Variants in TRMT11 observed in about 807,000 individuals in gnomAD.
The protein encoded by TRMT11 is tRNA (guanine(10)-N(2))-methyltransferase TRMT11.
In TRMT11, 53 loss-of-function variants were observed where a neutral mutation model predicts 62.8. The ratio of observed to expected loss-of-function variants is 0.84; its 90% CI spans 0.68 to 1.06. TRMT11 has a LOEUF of 1.06. TRMT11 is among the 50% of genes least tolerant of loss of function. The pLI is 0.00. For missense variants in TRMT11, 556 were observed against 553.4 expected, an observed-to-expected ratio of 1.00 and a Z score of -0.05; for synonymous variants, 188 against 190.3, an observed-to-expected ratio of 0.99 and a Z score of 0.10.
intron 1 of TRMT11, among the ~76,000 whole-genome samples, chr6:126,183,341 C>T (rs1034972801): frequency 2.6e-5 from 4 of 152,152 alleles, no homozygotes; most frequent in Middle Eastern, 3.4e-3. Flanking sequence ...GTACTGAGAG[C>T]AAAAGTTTCT....
upstream of TRMT11, among the ~76,000 whole-genome samples, chr6:126,172,960 C>T (rs995467136): frequency 1.4e-4 from 21 of 151,982 alleles, no homozygotes; most frequent in Non-Finnish European, 4.4e-5. Context: ...GGAGGTGAAC[C>T]GGGGTGTAAG....
chr6:126,003,828 C>G (rs1792919931), intron 7 of TRMT11, among the ~76,000 whole-genome samples: 1 of 151,980 alleles, frequency 6.6e-6, no homozygotes. Context: ...TTTCCCTTAG[C>G]TTGTCATTTA....
intron 3 of TRMT11, 75 bp downstream of exon 3, chr6:125,996,115 A>G (rs938133258): frequency 5.7e-6 from 6 of 1,060,368 alleles, no homozygotes; most frequent in African/African-American, 3.2e-5. Context: ...TTTTTGCTAT[A>G]TTGGGCAGTG....
the TRMT11 span, among the ~76,000 whole-genome samples, chr6:126,265,905 G>A: frequency 1.3e-5 from 2 of 152,140 alleles, no homozygotes. Flanking sequence ...AGAAACATAT[G>A]TCTATAATTT....
At chr6:126,146,687 C>A (rs1055911293) in intron 21 of TRMT11, among the ~76,000 whole-genome samples, 4 of 151,906 alleles carry the variant, frequency 2.6e-5, no homozygotes, top group African/African-American at 9.7e-5. Context: ...CCGCTAATTT[C>A]TTGTATTTTT....
intron 17 of TRMT11, among the ~76,000 whole-genome samples, chr6:126,055,427 A>G (rs1048904407): frequency 2.6e-5 from 4 of 152,210 alleles, no homozygotes; most frequent in African/African-American, 4.8e-5. Flanking sequence ...AGCAACCACT[A>G]TGAACATCAG....
At chr6:126,029,884 T>C (rs1456275605) in intron 12 of TRMT11, among the ~76,000 whole-genome samples, 1 of 152,158 alleles carries the variant, frequency 6.6e-6, no homozygotes, top group Non-Finnish European at 1.5e-5. Flanking sequence ...ATATCCCCAA[T>C]GTTTTTTTTA....
At chr6:126,051,185 A>G (rs569085582) in intron 16 of TRMT11, among the ~76,000 whole-genome samples, 1 of 152,358 alleles carries the variant, frequency 6.6e-6, no homozygotes, top group Admixed American at 6.5e-5. Context: ...TTAATGAATA[A>G]TTACACAGGG....
chr6:126,148,588 T>C (rs950559260), intron 21 of TRMT11, among the ~76,000 whole-genome samples: 2 of 152,176 alleles, frequency 1.3e-5, no homozygotes, highest in East Asian at 3.9e-4. Context: ...TTAACCTCTC[T>C]AAGCTTATTT....
chr6:126,198,687 G>T (rs1424874920), intron 1 of TRMT11: 1 of 152,240 alleles, frequency 6.6e-6, no homozygotes, highest in African/African-American at 2.4e-5. Context: ...GGCTGCCACA[G>T]AAATCCAGCA....
At chr6:126,235,518 CAGTCA>C in the TRMT11 span, among the ~76,000 whole-genome samples, 1 of 152,206 alleles carries the variant, frequency 6.6e-6, no homozygotes, top group Admixed American at 6.5e-5. Context: ...GAATACTATG[CAGTCA>C]TGCAAAAGAG....
chr6:126,220,695 T>G, the TRMT11 span, among the ~76,000 whole-genome samples: 1 of 152,182 alleles, frequency 6.6e-6, no homozygotes, highest in Non-Finnish European at 1.5e-5. Flanking sequence ...AAAAGATAAT[T>G]TGGTCAAGTC....
chr6:125,993,503 A>G (rs1790970157), intron 1 of TRMT11, among the ~76,000 whole-genome samples: 1 of 152,180 alleles, frequency 6.6e-6, no homozygotes, highest in Admixed American at 6.5e-5. Context: ...CCTTTCCAAA[A>G]TCAGGGAATT....
intron 17 of TRMT11, among the ~76,000 whole-genome samples, chr6:126,074,682 A>C (rs886076897): frequency 6.6e-6 from 1 of 152,196 alleles, no homozygotes; most frequent in African/African-American, 2.4e-5. Flanking sequence ...TCAATCAGAC[A>C]GAATGTGCAT....
chr6:126,144,665 T>A (rs1777955089), intron 21 of TRMT11, among the ~76,000 whole-genome samples: 1 of 152,208 alleles, frequency 6.6e-6, no homozygotes, highest in African/African-American at 2.4e-5. Flanking sequence ...CTACATCCCT[T>A]CACTCTGCTT....
chr6:126,236,464 C>T, the TRMT11 span, among the ~76,000 whole-genome samples: 2 of 152,008 alleles, frequency 1.3e-5, no homozygotes, highest in African/African-American at 4.8e-5. Flanking sequence ...TTAATTTTAC[C>T]TCTTCATGTC....
At chr6:126,222,251 C>T in the TRMT11 span, among the ~76,000 whole-genome samples, 1 of 152,092 alleles carries the variant, frequency 6.6e-6, no homozygotes, top group South Asian at 2.1e-4. Context: ...CGTGATGCCT[C>T]CTGCTTTGTT....
intron 12 of TRMT11, among the ~76,000 whole-genome samples, chr6:126,038,341 A>G (rs1228704878): frequency 6.6e-6 from 1 of 151,292 alleles, no homozygotes; most frequent in African/African-American, 2.4e-5. Context: ...CTTTTTATCC[A>G]TAGGCACAGA....
intron 12 of TRMT11, among the ~76,000 whole-genome samples, chr6:126,025,269 T>C (rs1268086949): frequency 6.6e-6 from 1 of 152,166 alleles, no homozygotes; most frequent in Non-Finnish European, 1.5e-5. Context: ...CCTAAGCAAA[T>C]TTATTTGAGA....
Sources: gnomAD v4.1 joint callset for allele counts (sites outside exome capture counted in the v4.1 genomes callset) on GRCh38, gnomAD v4.1.1 for gene constraint, MANE v1.5 for transcripts, NCBI Gene and HGNC (gene_info 2026-07-23, HGNC 2026-07-21) for gene names.